The following GKAP1 variants were observed in gnomAD, a reference collection of about 807,000 sequenced individuals.
The protein encoded by GKAP1 is G kinase anchoring protein 1, also known as G kinase-anchoring protein 1.
Under a neutral mutation model 56.7 loss-of-function variants are expected in GKAP1, and 31 were observed. The ratio of observed to expected loss-of-function variants is 0.55; its 90% confidence interval spans 0.41 to 0.74. The LOEUF (loss-of-function observed/expected upper bound fraction) is 0.74. Ranked by LOEUF, GKAP1 falls within the 30% of genes least tolerant of loss-of-function variation. The pLI is 0.00. For missense variants in GKAP1, 364 were observed against 402.3 expected (o/e 0.90, Z 0.82); for synonymous variants, 151 against 138.6 (o/e 1.09, Z -0.63).
At chr9:83,813,556 A>T (rs1944541092) in intron 2 of GKAP1, among the ~76,000 whole-genome samples, 1 of 152,202 alleles carries the variant, frequency 6.6e-6, no homozygotes, top group African/African-American at 2.4e-5. Context: ...GGAGTTTGGG[A>T]CCAGCCCAGG....
intron 8 of GKAP1, among the ~76,000 whole-genome samples, chr9:83,760,840 C>T (rs912314458): frequency 6.6e-6 from 1 of 151,580 alleles, no homozygotes; most frequent in East Asian, 1.9e-4. Context: ...AATAACACAC[C>T]AAAAGCTATG....
chr9:83,803,739 C>T (rs1046122223), intron 3 of GKAP1, among the ~76,000 whole-genome samples: 6 of 149,182 alleles, frequency 4.0e-5, no homozygotes, highest in African/African-American at 1.5e-4. Flanking sequence ...AGGAGCCCCT[C>T]TGCCTGGCTG....
intron 11 of GKAP1, 69 bp downstream of exon 11, chr9:83,742,461 T>C (rs1943223828): frequency 1.0e-6 from 1 of 976,484 alleles, no homozygotes; most frequent in African/African-American, 1.6e-5. Context: ...GCTGTATTTG[T>C]TAAGTTTAAT....
intron 6 of GKAP1, 26 bp downstream of exon 6, chr9:83,784,689 G>A (rs1587722491): frequency 6.7e-7 from 1 of 1,491,864 alleles, no homozygotes. Flanking sequence ...AGTTCTTTTA[G>A]CATAATAGCA....
intron 7 of GKAP1, among the ~76,000 whole-genome samples, chr9:83,775,812 T>C (rs1943849274): frequency 7.2e-6 from 1 of 138,938 alleles, no homozygotes; most frequent in African/African-American, 2.7e-5. Flanking sequence ...GAAGCAGAGG[T>C]TGCAGTGAGC....
chr9:83,751,057 G>T (rs1207942100), intron 9 of GKAP1, among the ~76,000 whole-genome samples: 1 of 152,056 alleles, frequency 6.6e-6, no homozygotes, highest in Non-Finnish European at 1.5e-5. Context: ...GGATGGTCTT[G>T]ATCTCCTGAC....
At chr9:83,803,588 G>C (rs1944370992) in intron 3 of GKAP1, among the ~76,000 whole-genome samples, 1 of 152,198 alleles carries the variant, frequency 6.6e-6, no homozygotes. Flanking sequence ...GCAGTGGCGT[G>C]ATCTCAGCTC....
At chr9:83,766,046 A>G (rs1233983991) in intron 8 of GKAP1, among the ~76,000 whole-genome samples, 1 of 152,194 alleles carries the variant, frequency 6.6e-6, no homozygotes, top group East Asian at 1.9e-4. Context: ...ATCTTGAATT[A>G]TAATAATTCC....
chr9:83,795,526 A>G (rs1944229883), intron 4 of GKAP1, among the ~76,000 whole-genome samples: 1 of 151,856 alleles, frequency 6.6e-6, no homozygotes, highest in South Asian at 2.1e-4. Context: ...CACATCTCAG[A>G]AAAATTTGCA....
At position 83,796,678 on chromosome 9, in the gene GKAP1, G is replaced by C. The variant is rs140465388; in HGVS notation, c.360+2507C>G. ...GACGGGACTTCTCCACATTGGTCAGGCTGGTCTCGAACTCCCGACCTCAGC... is the reference window on the plus strand; with the variant it reads ...GACGGGACTTCTCCACATTGGTCAGCCTGGTCTCGAACTCCCGACCTCAGC... On this transcript the variant is annotated intron_variant, in intron 4 of 12. Coordinates refer to ENST00000376371, the MANE Select transcript of GKAP1 (RefSeq NM_025211.4). Among the ~76,000 whole-genome samples the C allele has an allele frequency of 1.7e-3, 261 of 152,038 alleles. 1 individual carries two copies. Among genetic ancestry groups the C allele is most frequent in the African/African-American group, 5.9e-3 (243 of 41,488 alleles).
At chr9:83,758,053 G>A (rs568701769) in intron 8 of GKAP1, among the ~76,000 whole-genome samples, 73 of 152,182 alleles carry the variant, frequency 4.8e-4, no homozygotes, top group Non-Finnish European at 8.8e-4. Flanking sequence ...CCACAAGAGG[G>A]GACAGGATCA....
intron 3 of GKAP1, among the ~76,000 whole-genome samples, chr9:83,804,048 T>A (rs552605107): frequency 6.7e-6 from 1 of 149,436 alleles, no homozygotes; most frequent in Admixed American, 6.6e-5. Flanking sequence ...AAGGAGCCCC[T>A]CTGCCCGGCA....
chr9:83,743,624 C>CT (rs939964594), intron 10 of GKAP1, among the ~76,000 whole-genome samples: 6 of 151,942 alleles, frequency 3.9e-5, no homozygotes, highest in African/African-American at 9.7e-5. Context: ...ATGCAGAGTG[C>CT]TTTTTTTGTT....
intron 8 of GKAP1, among the ~76,000 whole-genome samples, chr9:83,757,569 G>A (rs2131249984): frequency 6.6e-6 from 1 of 152,256 alleles, no homozygotes; most frequent in East Asian, 1.9e-4. Flanking sequence ...GTCAGGTCAA[G>A]GACACTGTAC....
intron 2 of GKAP1, among the ~76,000 whole-genome samples, chr9:83,809,799 T>C (rs295285): frequency 0.46 from 70,061 of 151,994 alleles, 17,051 homozygotes; most frequent in African/African-American, 0.61. Context: ...TCCTGTCATT[T>C]GCTTATTTAT....
At chr9:83,810,557 T>C (rs1442566179) in intron 2 of GKAP1, among the ~76,000 whole-genome samples, 1 of 152,356 alleles carries the variant, frequency 6.6e-6, no homozygotes, top group East Asian at 1.9e-4. Context: ...TCTTTCCAGT[T>C]TTGGGAGAAT....
chr9:83,783,417 T>C (rs1462035824), intron 6 of GKAP1, among the ~76,000 whole-genome samples: 1 of 152,226 alleles, frequency 6.6e-6, no homozygotes, highest in Non-Finnish European at 1.5e-5. Context: ...ATTAAGAAAC[T>C]ACATTTTCAT....
intron 4 of GKAP1, chr9:83,792,925 C>A: frequency 1.1e-6 from 1 of 893,864 alleles, no homozygotes; most frequent in Non-Finnish European, 1.4e-6. Flanking sequence ...CACTAAAATG[C>A]CTACAGAATT....
At chr9:83,770,309 C>G (rs931972181) in intron 7 of GKAP1, among the ~76,000 whole-genome samples, 1 of 152,108 alleles carries the variant, frequency 6.6e-6, no homozygotes, top group South Asian at 2.1e-4. Context: ...GTTCTGTGAT[C>G]CATTTTGAGT....
Sources: gnomAD v4.1 joint callset for allele counts (sites outside exome capture counted in the v4.1 genomes callset) on GRCh38, gnomAD v4.1.1 for gene constraint, MANE v1.5 for transcripts, NCBI Gene and HGNC (gene_info 2026-07-23, HGNC 2026-07-21) for gene names.